The following CDK13 variants were observed in gnomAD, a reference collection of about 807,000 sequenced individuals.
CDK13 encodes cyclin dependent kinase 13.
A neutral mutation model predicts 137.6 loss-of-function variants in CDK13; 40 were observed. That is an observed-to-expected ratio of 0.29 (90% CI 0.23 to 0.38). CDK13 has a LOEUF of 0.38. Among genes scored for constraint, CDK13 ranks in the 10% least tolerant of loss-of-function variants. The pLI, the probability that CDK13 is intolerant of heterozygous loss-of-function variation, is 1.00. For synonymous variants in CDK13, 869 were observed against 760.1 expected (o/e 1.14, Z -2.36); for missense variants, 1,704 against 1,951.8 (o/e 0.87, Z 2.39).
rs549940757 is a variant in CDK13, at chr7:40,023,314, C to T, written c.2353+21283C>T. Among the ~76,000 whole-genome samples the T allele has an allele frequency of 3.9e-5, 6 of 152,152 alleles. No homozygotes were observed. In the East Asian group the frequency reaches 1.2e-3, roughly 29 times the overall value. On this transcript the variant is annotated intron_variant, in intron 5 of 13. Coordinates refer to ENST00000181839, the MANE Select transcript of CDK13 (RefSeq NM_003718.5). ...TCCTGGCCTCAAGTGATTTGCCCAC[C>T]TTGTCCTCCCAAAGTGTTGCGATTA...
intron 9 of CDK13, among the ~76,000 whole-genome samples, chr7:40,065,636 A>G (rs1786264030): frequency 6.6e-6 from 1 of 152,200 alleles, no homozygotes; most frequent in African/African-American, 2.4e-5. Context: ...ATAAAAATCC[A>G]TGGGCTAATA....
intron 9 of CDK13, among the ~76,000 whole-genome samples, chr7:40,064,977 T>A (rs1273140194): frequency 1.5e-5 from 2 of 133,386 alleles, no homozygotes; most frequent in Non-Finnish European, 1.6e-5. Context: ...TTTTTTTTTT[T>A]TTTTTTTTTT....
intron 9 of CDK13, among the ~76,000 whole-genome samples, chr7:40,077,693 A>G (rs907268673): frequency 3.9e-5 from 6 of 152,064 alleles, no homozygotes; most frequent in East Asian, 1.9e-4. Flanking sequence ...TGTCTCTACT[A>G]AAAATACAAA....
intron 6 of CDK13, among the ~76,000 whole-genome samples, chr7:40,046,381 C>A (rs906583776): frequency 6.6e-6 from 1 of 152,260 alleles, no homozygotes; most frequent in Non-Finnish European, 1.5e-5. Flanking sequence ...CAGTGGCTCA[C>A]GCCTGTAATC....
Position 40,081,911 on chromosome 7 carries a change from C to T in CDK13, c.3029+3060C>T, listed in dbSNP as rs148778377. ...ACAGGTGTGAGCCACCGTGCCCAGC[C>T]CAAATATTTCCATTTTAAATAAAGA... is the stretch of plus-strand genomic sequence containing the variant. On this transcript the variant is annotated intron_variant, in intron 11 of 13. Transcript: ENST00000181839. Among the ~76,000 whole-genome samples the T allele has an allele frequency of 3.9e-5, 6 of 151,944 alleles. No individual in the cohort carries two copies. The East Asian group carries it at 1.2e-3, about 30-fold the overall frequency.
At chr7:40,083,478 A>G (rs2150540170) in intron 11 of CDK13, among the ~76,000 whole-genome samples, 1 of 152,344 alleles carries the variant, frequency 6.6e-6, no homozygotes, top group South Asian at 2.1e-4. Context: ...TACCTAGAAA[A>G]GATTAGGAAA....
At chr7:39,953,611 C>A (rs1223846504) in intron 1 of CDK13, among the ~76,000 whole-genome samples, 1 of 152,022 alleles carries the variant, frequency 6.6e-6, no homozygotes, top group Non-Finnish European at 1.5e-5. Context: ...GTATTGTATG[C>A]CATATACTGT....
chr7:40,091,609 A>G (rs1396487165), intron 12 of CDK13, among the ~76,000 whole-genome samples: 15 of 152,196 alleles, frequency 9.9e-5, no homozygotes, highest in Admixed American at 9.8e-4. Flanking sequence ...CTGAAATAAG[A>G]AAACGCCCCT....
At chr7:40,055,234 C>G (rs1027290412) in intron 7 of CDK13, among the ~76,000 whole-genome samples, 7 of 149,274 alleles carry the variant, frequency 4.7e-5, no homozygotes, top group Non-Finnish European at 8.9e-5. Context: ...TGGAATTGAT[C>G]TAATTATGTA....
chr7:39,960,341 C>A (rs564089418), intron 1 of CDK13, among the ~76,000 whole-genome samples: 1 of 151,412 alleles, frequency 6.6e-6, no homozygotes, highest in African/African-American at 2.4e-5. Context: ...CTGCAAGCTC[C>A]GCTTCCCAGG....
chr7:40,008,954 T>C (rs541166328), intron 5 of CDK13, among the ~76,000 whole-genome samples: 16 of 152,354 alleles, frequency 1.1e-4, no homozygotes, highest in Non-Finnish European at 1.9e-4. Flanking sequence ...TGCCCCTTTG[T>C]TGGCATAGTA....
chr7:40,099,560 T>C lies in CDK13; in HGVS notation c.*4580T>C, dbSNP rs1435187267. On this transcript the variant is annotated 3_prime_UTR_variant, in exon 14 of 14. Coordinates refer to ENST00000181839, the MANE Select transcript of CDK13 (RefSeq NM_003718.5). ...AAGGCCGTATTCAATAGTCTGTAAA[T>C]AAATTGCCGTAACACTCCCAGGCCA... 6.6e-6 allele frequency: 1 copy of C among 152,192 alleles called. No homozygotes were observed. Among genetic ancestry groups the C allele is most frequent in the Non-Finnish European group, 1.5e-5 (1 of 68,034 alleles). The allele number at this position is 152,192 out of a possible 1,614,324, so 9.4% of individuals were successfully genotyped here. A position where few individuals can be genotyped will look rare whatever the true frequency, so the allele number is the denominator to read the frequency against.
intron 9 of CDK13, among the ~76,000 whole-genome samples, chr7:40,065,231 A>G (rs540563987): frequency 1.3e-5 from 2 of 152,184 alleles, no homozygotes; most frequent in African/African-American, 4.8e-5. Context: ...TTGAAATACT[A>G]TAGGCTAAAT....
rs567882675 is a variant in CDK13, at chr7:40,035,647, C to T, written c.2354-10189C>T. 8.7e-5 allele frequency among the ~76,000 whole-genome samples: 11 copies of T among 126,460 alleles called. No individual in the cohort carries two copies. In the East Asian group the frequency reaches 3.0e-3, roughly 35 times the overall value. 83.0% of individuals were successfully genotyped at this position (126,460 alleles called of 152,430 possible). On this transcript the variant is annotated intron_variant, in intron 5 of 13. Coordinates refer to ENST00000181839, the MANE Select transcript of CDK13 (RefSeq NM_003718.5). ...TAGTTGCAGGAAAACCAGCTCAGGG[C>T]CCCCACTGATTGTACATTATGGTGA...
intron 11 of CDK13, among the ~76,000 whole-genome samples, chr7:40,082,226 C>T (rs1300006896): frequency 6.6e-6 from 1 of 151,910 alleles, no homozygotes; most frequent in Non-Finnish European, 1.5e-5. Flanking sequence ...CAGTGGCTCA[C>T]GCCTGTAATC....
Position 39,987,816 on chromosome 7 carries a change from A to G in CDK13, c.1429A>G (p.Thr477Ala). Residue 477 changes from threonine (T) to alanine (A), a missense_variant, in exon 2 of 14, where the codon ACT (threonine) becomes GCT (alanine). By Grantham distance (58) the Thr-to-Ala change is moderately conservative. Coordinates refer to ENST00000181839, the MANE Select transcript of CDK13 (RefSeq NM_003718.5). ...AAEAAKAAEA[T>A]KAAEAAAKAA... ...AGAAGCAGCGAAAGCTGCAGAAGCA[A>G]CTAAGGCTGCTGAGGCTGCTGCCAA... is the stretch of plus-strand genomic sequence containing the variant. The G allele has an allele frequency of 5.0e-6, 8 of 1,614,044 alleles. No homozygotes were observed. The highest frequency in any genetic ancestry group is 2.2e-5 in the South Asian group (2 of 91,046).
chr7:39,955,573 C>T (rs573403020), intron 1 of CDK13, among the ~76,000 whole-genome samples: 4 of 152,108 alleles, frequency 2.6e-5, no homozygotes, highest in South Asian at 2.1e-4. Flanking sequence ...GAAAAATCAG[C>T]TTCTGCTTGG....
At chr7:39,961,399 G>T (rs1162778223) in intron 1 of CDK13, among the ~76,000 whole-genome samples, 5 of 152,130 alleles carry the variant, frequency 3.3e-5, no homozygotes, top group Admixed American at 3.3e-4. Context: ...AGAATATGCA[G>T]TGCATTATTG....
chr7:39,984,268 G>A (rs2116248753), intron 1 of CDK13: 1 of 152,180 alleles, frequency 6.6e-6, no homozygotes, highest in South Asian at 2.1e-4. Context: ...AAAGTTAGCT[G>A]GGCATGGTGG....
Sources: allele counts gnomAD v4.1 joint callset (sites outside exome capture counted in the v4.1 genomes callset), GRCh38; gene constraint gnomAD v4.1.1; transcripts MANE v1.5; gene names NCBI Gene and HGNC (gene_info 2026-07-23, HGNC 2026-07-21).